The following PTPN2 variants were observed in gnomAD, a reference collection of about 807,000 sequenced individuals.
The protein encoded by PTPN2 is tyrosine-protein phosphatase non-receptor type 2.
PTPN2 carries 19 observed loss-of-function variants against 57.3 expected under a neutral mutation model. The ratio of observed to expected loss-of-function variants is 0.33; its 90% CI spans 0.23 to 0.49. The LOEUF is 0.49. Ranked by LOEUF, PTPN2 falls within the 20% of genes least tolerant of loss-of-function variation. The pLI is 0.99. For missense variants in PTPN2, 358 were observed against 501.1 expected, an observed-to-expected ratio of 0.71 and a Z score of 2.73; for synonymous variants, 153 against 164.9, an observed-to-expected ratio of 0.93 and a Z score of 0.55.
In PTPN2 at chr18:12,848,695, T is replaced by C. The variant is rs567652092; in HGVS notation, c.160+10469A>G. Reference sequence around the variant, plus strand: ...CTCCAGCCCCAGCCCCCATTTGAAATGCAATTACACAAAAGACCTTGAGCA... The same window carrying C: ...CTCCAGCCCCAGCCCCCATTTGAAACGCAATTACACAAAAGACCTTGAGCA... On this transcript the variant is annotated intron_variant, in intron 2 of 8. Transcript: ENST00000309660. Among the ~76,000 whole-genome samples, 73 of 152,328 alleles carry C rather than the reference T, an allele frequency of 4.8e-4. 2 individuals carry two copies. In the South Asian group the frequency reaches 7.9e-3, roughly 16 times the overall value.
chr18:12,883,410 T>C (rs1188855554), intron 1 of PTPN2, among the ~76,000 whole-genome samples: 1 of 152,196 alleles, frequency 6.6e-6, no homozygotes, highest in Non-Finnish European at 1.5e-5. Context: ...CCGAGAGCGC[T>C]GCCCTCGCCA....
rs557572633 is a variant in PTPN2 at position 12,883,406 on chromosome 18, G to A, written c.69+667C>T. On this transcript the variant is annotated intron_variant, in intron 1 of 8. Transcript: ENST00000309660. ...AAAATGAAGACGGAGGGTCCCGAGA[G>A]CGCTGCCCTCGCCAGAGGCCACGAG... Among the ~76,000 whole-genome samples the A allele has an allele frequency of 3.3e-5, 5 of 152,314 alleles. No individual in the cohort carries two copies. The South Asian group carries it at 8.3e-4, about 25-fold the overall frequency.
rs1315665678 is a variant in PTPN2 at position 12,837,672 on chromosome 18, A to C, written c.161-781T>G. ...GCCGGATGCATATCACTGAATTATA[A>C]AACTAAAAACATGGTGTTTGATGTT... On this transcript the variant is annotated intron_variant, in intron 2 of 8. Transcript: ENST00000309660. 2.0e-5 allele frequency among the ~76,000 whole-genome samples: 3 copies of C among 152,224 alleles called. No homozygotes were observed. In the East Asian group the frequency reaches 5.8e-4, roughly 29 times the overall value.
At position 12,792,281 on chromosome 18, in the gene PTPN2, A is replaced by C. The variant is rs2041004283; in HGVS notation, c.*1997T>G. ...ATCTATCTATACCAATGGTTTTCAA[A>C]CTTTTTTTTTTTTTTTTTTTGAGAC... On this transcript the variant is annotated 3_prime_UTR_variant, in exon 9 of 9. Coordinates refer to ENST00000309660, the MANE Select transcript of PTPN2 (RefSeq NM_002828.4). 2.4e-6 allele frequency: 2 copies of C among 846,576 alleles called. No individual in the cohort carries two copies. Among genetic ancestry groups the C allele is most frequent in the African/African-American group, 2.1e-5 (1 of 47,760 alleles). 52.4% of individuals were successfully genotyped at this position (846,576 alleles called of 1,614,324 possible). A position where few individuals can be genotyped will look rare whatever the true frequency, so the allele number is the denominator to read the frequency against.
Position 12,821,213 on chromosome 18 carries a change from T to C in PTPN2, c.496-3848A>G, listed in dbSNP as rs565802155. 2.0e-5 allele frequency: 3 copies of C among 152,340 alleles called. No individual in the cohort carries two copies. In the East Asian group the frequency reaches 5.8e-4, roughly 29 times the overall value. The allele number at this position is 152,340 out of a possible 1,614,324, so 9.4% of individuals were successfully genotyped here. A position where few individuals can be genotyped will look rare whatever the true frequency, so the allele number is the denominator to read the frequency against. On this transcript the variant is annotated intron_variant, in intron 5 of 8. Transcript: ENST00000309660. Reference sequence around the variant, plus strand: ...CATCTGTAAATAGGGTTAATAATACTACTTACCTTACAAAACTGTTGTTAA... The same window carrying C: ...CATCTGTAAATAGGGTTAATAATACCACTTACCTTACAAAACTGTTGTTAA...
intron 5 of PTPN2, among the ~76,000 whole-genome samples, chr18:12,818,408 A>C (rs2042150999): frequency 1.3e-5 from 2 of 152,116 alleles, no homozygotes; most frequent in Non-Finnish European, 2.9e-5. Context: ...GCTTTTGCTG[A>C]TGTGCTAAAG....
chr18:12,868,942 G>C (rs2044091331), intron 1 of PTPN2: 1 of 152,134 alleles, frequency 6.6e-6, no homozygotes, highest in Admixed American at 6.5e-5. Flanking sequence ...TTGACATTAG[G>C]AGTTTGAGAC....
At position 12,825,984 on chromosome 18, in the gene PTPN2, T is replaced by C. The variant is rs1387701496; in HGVS notation, c.361-40A>G. On this transcript the variant is annotated intron_variant, in intron 4 of 8. Coordinates refer to ENST00000309660, the MANE Select transcript of PTPN2 (RefSeq NM_002828.4). ...ATGTATATGATTTTTTTTTAGTTTA[T>C]AGACATCATGAAACCATAAAGTTAA... 2.7e-6 allele frequency: 4 copies of C among 1,500,244 alleles called. No individual in the cohort carries two copies. The African/African-American group carries it at 4.2e-5, about 16-fold the overall frequency. 92.9% of individuals were successfully genotyped at this position (1,500,244 alleles called of 1,614,324 possible). A position where few individuals can be genotyped will look rare whatever the true frequency, so the allele number is the denominator to read the frequency against.
chr18:12,858,855 C>T (rs2043688826), intron 2 of PTPN2, among the ~76,000 whole-genome samples: 1 of 152,042 alleles, frequency 6.6e-6, no homozygotes, highest in African/African-American at 2.4e-5. Context: ...AAAGGAAATA[C>T]ATATGGATAT....
intron 1 of PTPN2, among the ~76,000 whole-genome samples, chr18:12,866,234 C>G (rs539987338): frequency 6.6e-6 from 1 of 151,942 alleles, no homozygotes; most frequent in African/African-American, 2.4e-5. Context: ...GTCAGGAGAT[C>G]GAGACCATCC....
At chr18:12,803,883 C>T (rs1442913896) in intron 7 of PTPN2, among the ~76,000 whole-genome samples, 2 of 152,162 alleles carry the variant, frequency 1.3e-5, no homozygotes, top group Non-Finnish European at 2.9e-5. Flanking sequence ...ATGGACCTAA[C>T]ACACATTTAC....
chr18:12,788,213 T>C (rs1203179367), downstream of PTPN2: 2 of 154,260 alleles, frequency 1.3e-5, no homozygotes, highest in African/African-American at 2.4e-5. Flanking sequence ...TAAAAAATGG[T>C]CTGTATAAAG....
chr18:12,816,996 G>A (rs1390742153), intron 6 of PTPN2, among the ~76,000 whole-genome samples, 160 bp downstream of exon 6: 1 of 152,050 alleles, frequency 6.6e-6, no homozygotes, highest in Non-Finnish European at 1.5e-5. Flanking sequence ...AGAGGCAGTT[G>A]CAACGGTGGA....
intron 1 of PTPN2, chr18:12,862,554 G>C (rs947197982): frequency 6.6e-6 from 1 of 150,638 alleles, no homozygotes; most frequent in South Asian, 2.1e-4. Context: ...CTAAGGTCCT[G>C]TGACAGTCTG....
intron 2 of PTPN2, among the ~76,000 whole-genome samples, chr18:12,856,474 A>G (rs538800322): frequency 1.3e-5 from 2 of 152,274 alleles, no homozygotes; most frequent in Non-Finnish European, 2.9e-5. Flanking sequence ...CCAGCAGAGC[A>G]CAGCTCCAGA....
chr18:12,799,435 AAAAAG>A (rs998928978), intron 8 of PTPN2, among the ~76,000 whole-genome samples: 26 of 152,198 alleles, frequency 1.7e-4, no homozygotes, highest in African/African-American at 5.1e-4. Context: ...AAAAAAGAAA[AAAAAG>A]AAACTTGAAA....
At chr18:12,873,502 C>T (rs919358825) in intron 1 of PTPN2, among the ~76,000 whole-genome samples, 1 of 152,232 alleles carries the variant, frequency 6.6e-6, no homozygotes, top group African/African-American at 2.4e-5. Flanking sequence ...GTTGGCCGGG[C>T]TGGCCTCCAG....
intron 1 of PTPN2, among the ~76,000 whole-genome samples, chr18:12,863,020 T>C (rs779571636): frequency 2.2e-4 from 34 of 152,066 alleles, no homozygotes; most frequent in Non-Finnish European, 4.7e-4. Flanking sequence ...TATAAGCACA[T>C]TGCATAAGCA....
Position 12,859,110 on chromosome 18 carries a change from G to A in PTPN2, c.160+54C>T, listed in dbSNP as rs557130362. ...CAAGCCCTCCTTTTCACTACATCCT[G>A]CCTCCTAAAACAAACCAAAAAATAC... On this transcript the variant is annotated intron_variant, in intron 2 of 8. Coordinates refer to ENST00000309660, the MANE Select transcript of PTPN2 (RefSeq NM_002828.4). 6 of 1,359,804 alleles carry A rather than the reference G, an allele frequency of 4.4e-6. No homozygotes were observed. In the East Asian group the frequency reaches 1.4e-4, roughly 31 times the overall value. The allele number at this position is 1,359,804 out of a possible 1,614,324, so 84.2% of individuals were successfully genotyped here.
Sources: allele counts gnomAD v4.1 joint callset (sites outside exome capture counted in the v4.1 genomes callset), GRCh38; gene constraint gnomAD v4.1.1; transcripts MANE v1.5; gene names NCBI Gene and HGNC (gene_info 2026-07-23, HGNC 2026-07-21).